The following WDR19 variants were observed in gnomAD, a reference collection of about 807,000 sequenced individuals.
The protein encoded by WDR19 is WD repeat-containing protein 19.
A neutral mutation model predicts 180.0 loss-of-function variants in WDR19; 121 were observed. The observed-to-expected ratio is 0.67, with a 90% confidence interval of 0.58 to 0.78. WDR19 has a LOEUF of 0.78. WDR19 is among the 30% of genes least tolerant of loss of function. The pLI is 0.00. For synonymous variants in WDR19, 497 were observed against 540.7 expected, an observed-to-expected ratio of 0.92 and a Z score of 1.12; for missense variants, 1,450 against 1,640.7, an observed-to-expected ratio of 0.88 and a Z score of 2.01.
At chr4:39,282,807 T>C (rs923617090) in intron 36 of WDR19, among the ~76,000 whole-genome samples, 3 of 152,252 alleles carry the variant, frequency 2.0e-5, no homozygotes, top group African/African-American at 4.8e-5. Context: ...CATTTTCTAA[T>C]TGATTACGTA....
At chr4:39,284,369 C>CA (rs1319863085) in intron 36 of WDR19, among the ~76,000 whole-genome samples, 1 of 127,678 alleles carries the variant, frequency 7.8e-6, no homozygotes, top group Non-Finnish European at 1.6e-5. Flanking sequence ...GACAGGATCT[C>CA]ACTCTGCTGC....
At chr4:39,232,345 C>A in intron 19 of WDR19, 73 bp downstream of exon 19, 3 of 1,253,342 alleles carry the variant, frequency 2.4e-6, no homozygotes, top group Non-Finnish European at 3.4e-6. Flanking sequence ...AAAAATGGGG[C>A]CGGGTGCAGC....
rs1734756563 is a variant in WDR19 at position 39,266,036 on chromosome 4, GCTGGGTTTTT to G, written c.3184-24_3184-15del. On this transcript the variant is annotated splice_polypyrimidine_tract_variant and intron_variant, in intron 28 of 36. Coordinates refer to ENST00000399820, the MANE Select transcript of WDR19 (RefSeq NM_025132.4). ...TTGCTCGGTTTAAGATGCTGAATTT[GCTGGGTTTTT>G]CTCTCTTATTAAACAGGTTGGTCAG... is the stretch of plus-strand genomic sequence containing the variant. 4 of 1,547,270 alleles carry G rather than the reference GCTGGGTTTTT, an allele frequency of 2.6e-6. No individual in the cohort carries two copies. The East Asian group carries it at 9.8e-5, about 38-fold the overall frequency.
At chr4:39,283,961 C>T (rs1234929961) in intron 36 of WDR19, among the ~76,000 whole-genome samples, 1 of 152,074 alleles carries the variant, frequency 6.6e-6, no homozygotes, top group Non-Finnish European at 1.5e-5. Flanking sequence ...CTTCATTGTT[C>T]CCCTGCATTT....
At chr4:39,247,013 C>T (rs1222806782) in intron 24 of WDR19, among the ~76,000 whole-genome samples, 1 of 152,250 alleles carries the variant, frequency 6.6e-6, no homozygotes, top group Non-Finnish European at 1.5e-5. Flanking sequence ...GAGTGGTTCT[C>T]CCAGCACGCA....
At chr4:39,214,022 C>T (rs1238773777) in intron 9 of WDR19, among the ~76,000 whole-genome samples, 4 of 152,158 alleles carry the variant, frequency 2.6e-5, no homozygotes, top group Non-Finnish European at 5.9e-5. Context: ...AATGTTACAA[C>T]TATTAGTTCC....
At chr4:39,188,886 G>A (rs959571645) in intron 3 of WDR19, among the ~76,000 whole-genome samples, 3 of 151,668 alleles carry the variant, frequency 2.0e-5, no homozygotes, top group African/African-American at 4.8e-5. Context: ...GAGTAGCTGA[G>A]TAGCATGTGC....
chr4:39,243,406 G>C (rs1421433771), intron 21 of WDR19, among the ~76,000 whole-genome samples: 2 of 152,148 alleles, frequency 1.3e-5, no homozygotes, highest in African/African-American at 2.4e-5. Context: ...TGGTGAAGTT[G>C]AGCGTGTTTT....
intron 30 of WDR19, 105 bp downstream of exon 30, chr4:39,268,196 C>T: frequency 1.0e-6 from 1 of 969,612 alleles, no homozygotes; most frequent in Non-Finnish European, 1.5e-6. Context: ...GTAACATAGG[C>T]TTGCTTTGAA....
intron 1 of WDR19, among the ~76,000 whole-genome samples, chr4:39,183,004 G>C (rs1425257799): frequency 6.6e-6 from 1 of 152,160 alleles, no homozygotes; most frequent in Non-Finnish European, 1.5e-5. Context: ...CAGCTGCCCA[G>C]CGCCTTAAAA....
At chr4:39,214,489 A>G (rs1728859168) in intron 9 of WDR19, 112 bp from the exon 10 acceptor site, 4 of 620,772 alleles carry the variant, frequency 6.4e-6, no homozygotes, top group Admixed American at 3.2e-5. Context: ...CATTCTGTAC[A>G]TCACATTTTG....
intron 14 of WDR19, among the ~76,000 whole-genome samples, chr4:39,224,093 G>A (rs1164601993): frequency 1.3e-5 from 2 of 152,126 alleles, no homozygotes; most frequent in African/African-American, 4.8e-5. Flanking sequence ...CTCATTTTTT[G>A]AGTAATTGTA....
At chr4:39,256,632 C>T (rs577013133) in intron 27 of WDR19, among the ~76,000 whole-genome samples, 2 of 152,292 alleles carry the variant, frequency 1.3e-5, no homozygotes, top group South Asian at 4.1e-4. Flanking sequence ...TGAATTCAGC[C>T]TACAGGCCAC....
intron 15 of WDR19, among the ~76,000 whole-genome samples, chr4:39,226,815 A>G (rs878987111): frequency 6.6e-6 from 1 of 152,258 alleles, no homozygotes; most frequent in South Asian, 2.1e-4. Context: ...TACATTTTTA[A>G]AAGATAAAAA....
At chr4:39,223,497 AT>A (rs1392742992) in intron 14 of WDR19, among the ~76,000 whole-genome samples, 1 of 149,326 alleles carries the variant, frequency 6.7e-6, no homozygotes, top group East Asian at 2.0e-4. Flanking sequence ...CGCCCAGCAA[AT>A]TTTTGTATTT....
intron 28 of WDR19, among the ~76,000 whole-genome samples, chr4:39,258,582 C>T (rs1311474640): frequency 6.6e-6 from 1 of 152,146 alleles, no homozygotes; most frequent in Non-Finnish European, 1.5e-5. Flanking sequence ...AATAAAGCTG[C>T]ACTAAAGCTG....
Position 39,273,042 on chromosome 4 carries a change from C to A in WDR19, c.3546C>A (p.Asn1182Lys). Reference sequence around the variant, plus strand: ...GCATGCTCATTCGGGTGGCCAACAACATCAGCAAATTTCCATCACGTAAGT... The same window carrying A: ...GCATGCTCATTCGGGTGGCCAACAAAATCAGCAAATTTCCATCACGTAAGT... Reference protein sequence around the residue: ...GARMLIRVANNISKFPSHIVP... With the variant: ...GARMLIRVANKISKFPSHIVP... The change falls in exon 32 of 37, where the codon AAC (asparagine) becomes AAA (lysine). Residue 1182 changes from asparagine to lysine, a missense_variant. Physicochemically the swap from Asn to Lys is moderately conservative, Grantham distance 94. Transcript: ENST00000399820. 1 of 1,605,308 alleles carries A rather than the reference C, an allele frequency of 6.2e-7. No individual in the cohort carries two copies. Among genetic ancestry groups the A allele is most frequent in the Non-Finnish European group, 8.5e-7 (1 of 1,176,062 alleles).
At chr4:39,283,631 AC>A (rs1736814237) in intron 36 of WDR19, among the ~76,000 whole-genome samples, 1 of 152,118 alleles carries the variant, frequency 6.6e-6, no homozygotes, top group African/African-American at 2.4e-5. Context: ...ACATATGTAC[AC>A]ATTATAAATC....
intron 36 of WDR19, among the ~76,000 whole-genome samples, chr4:39,279,848 G>A (rs974068128): frequency 4.0e-5 from 6 of 151,732 alleles, no homozygotes; most frequent in African/African-American, 1.2e-4. Context: ...GACTACAGGC[G>A]TGTGCCACCA....
Sources: allele counts gnomAD v4.1 joint callset (sites outside exome capture counted in the v4.1 genomes callset), GRCh38; gene constraint gnomAD v4.1.1; transcripts MANE v1.5; gene names NCBI Gene and HGNC (gene_info 2026-07-23, HGNC 2026-07-21).